Variants in ZNF98 observed in about 807,000 individuals in gnomAD.
The protein encoded by ZNF98 is zinc finger protein 98.
ZNF98 carries 8 observed loss-of-function variants against 12.8 expected under a neutral mutation model. That is an observed-to-expected ratio of 0.63 (90% CI 0.37 to 1.13). ZNF98 has a LOEUF of 1.13. ZNF98 is among the 50% of genes most tolerant of loss of function. ZNF98 has a pLI of 0.01. For missense variants in ZNF98, 379 were observed against 666.1 expected (o/e 0.57, Z 4.74); for synonymous variants, 112 against 223.5 (o/e 0.50, Z 4.45).
chr19:22,393,866 A>G (rs890383439), intron 3 of ZNF98, among the ~76,000 whole-genome samples: 4 of 152,202 alleles, frequency 2.6e-5, no homozygotes, highest in African/African-American at 4.8e-5. Flanking sequence ...GCTTCTGTAC[A>G]GCTAAAGAAA....
At chr19:22,409,260 T>C (rs1969554833) in intron 1 of ZNF98, among the ~76,000 whole-genome samples, 1 of 152,148 alleles carries the variant, frequency 6.6e-6, no homozygotes, top group African/African-American at 2.4e-5. Context: ...AAACTGGACC[T>C]CTTCCTTACA....
chr19:22,422,111 G>T, intron 1 of ZNF98, 84 bp downstream of exon 1: 1 of 1,546,786 alleles, frequency 6.5e-7, no homozygotes, highest in Non-Finnish European at 8.9e-7. Flanking sequence ...ACAGCGGGGA[G>T]GCCTGAGTCC....
chr19:22,412,561 A>G (rs571255270), intron 1 of ZNF98, among the ~76,000 whole-genome samples: 2 of 152,130 alleles, frequency 1.3e-5, no homozygotes, highest in Admixed American at 6.6e-5. Context: ...ACAAGAAATA[A>G]CCAAAATCAT....
Position 22,412,550 on chromosome 19 carries a change from G to A in ZNF98, c.31-9038C>T, listed in dbSNP as rs116789118. Among the ~76,000 whole-genome samples, 1,057 of 148,642 alleles carry A rather than the reference G, an allele frequency of 7.1e-3. 13 individuals carry two copies. Among genetic ancestry groups the A allele is most frequent in the African/African-American group, 0.025 (1,006 of 40,518 alleles). ...CCAATCAACCCCTAAGCTAGCAGAA[G>A]ACAAGAAATAACCAAAATCATTTCT... On this transcript the variant is annotated intron_variant, in intron 1 of 3. Transcript: ENST00000357774.
Position 22,392,903 on chromosome 19 carries a change from G to GT in ZNF98, c.331dup (p.Thr111AsnfsTer3), listed in dbSNP as rs1294565766. 6.2e-7 allele frequency: 1 copy of GT among 1,601,910 alleles called. No individual in the cohort carries two copies. Among genetic ancestry groups the GT allele is most frequent in the Non-Finnish European group, 8.5e-7 (1 of 1,176,204 alleles). On this transcript the variant is annotated frameshift_variant, in exon 4 of 4. Coordinates refer to ENST00000357774, the MANE Select transcript of ZNF98 (RefSeq NM_001098626.2). LOFTEE classifies it low-confidence loss of function (END_TRUNC). ...ATTTTCACGTCCACATTTTTTATATGTTCTCAGTATCACTTTTTGGAAATA... is the reference window on the plus strand; with the variant it reads ...ATTTTCACGTCCACATTTTTTATATGTTTCTCAGTATCACTTTTTGGAAATA...
At chr19:22,420,929 T>C (rs970749816) in intron 1 of ZNF98, among the ~76,000 whole-genome samples, 7 of 152,246 alleles carry the variant, frequency 4.6e-5, no homozygotes, top group African/African-American at 1.7e-4. Flanking sequence ...TGGGAAATAC[T>C]TACAAACAGA....
rs201817362 is a variant in ZNF98 at position 22,391,392 on chromosome 19, G to T, written c.*124C>A. ...TATAAAGGCTTTCCTGTGCAATAAGGTTTGAGCATTGTGTAAGTTTTGCCA... is the reference window on the plus strand; with the variant it reads ...TATAAAGGCTTTCCTGTGCAATAAGTTTTGAGCATTGTGTAAGTTTTGCCA... On this transcript the variant is annotated 3_prime_UTR_variant, in exon 4 of 4. Transcript: ENST00000357774. 7 of 1,473,614 alleles carry T rather than the reference G, an allele frequency of 4.8e-6. No homozygotes were observed. In the African/African-American group the frequency reaches 5.7e-5, roughly 12 times the overall value. The allele number at this position is 1,473,614 out of a possible 1,614,324, so 91.3% of individuals were successfully genotyped here. A position where few individuals can be genotyped will look rare whatever the true frequency, so the allele number is the denominator to read the frequency against.
In ZNF98 at chr19:22,402,770, C is replaced by T; in HGVS notation, c.253+19G>A. 1.3e-6 allele frequency: 2 copies of T among 1,558,236 alleles called. No individual in the cohort carries two copies. Among genetic ancestry groups the T allele is most frequent in the Non-Finnish European group, 1.7e-6 (2 of 1,159,966 alleles). On this transcript the variant is annotated intron_variant, in intron 3 of 3. Transcript: ENST00000357774. The stretch of plus-strand genomic sequence containing the variant: ...TCTCATCTGTGTCGTCTGTTGTATT[C>T]ACTTTCACTCTCACCTACCTGGGGG...
chr19:22,403,306 A>C, intron 2 of ZNF98, 80 bp downstream of exon 2: 1 of 1,517,458 alleles, frequency 6.6e-7, no homozygotes, highest in Non-Finnish European at 8.8e-7. Flanking sequence ...AGCATAAACT[A>C]CCAAAAAAAC....
At chr19:22,409,383 AAG>A (rs1393795180) in intron 1 of ZNF98, among the ~76,000 whole-genome samples, 1 of 152,200 alleles carries the variant, frequency 6.6e-6, no homozygotes, top group Non-Finnish European at 1.5e-5. Flanking sequence ...GGCATGGGCA[AAG>A]ACTTCATGAC....
rs11883274 is a variant in ZNF98, at chr19:22,400,854, G to A, written c.253+1935C>T. ...TGTAGTCCCAGCTACTCGGGAGGCA[G>A]AGGCAGGAGAATCACTTGAACCTGG... On this transcript the variant is annotated intron_variant, in intron 3 of 3. Coordinates refer to ENST00000357774, the MANE Select transcript of ZNF98 (RefSeq NM_001098626.2). 4.3e-3 allele frequency among the ~76,000 whole-genome samples: 626 copies of A among 146,488 alleles called. 4 individuals carry two copies. The highest frequency in any genetic ancestry group is 0.01 in the Middle Eastern group (3 of 292).
At chr19:22,396,002 A>G (rs1374207676) in intron 3 of ZNF98, among the ~76,000 whole-genome samples, 2 of 152,046 alleles carry the variant, frequency 1.3e-5, no homozygotes, top group African/African-American at 2.4e-5. Context: ...TGCCCTACAT[A>G]TAAAAGATGA....
intron 3 of ZNF98, among the ~76,000 whole-genome samples, chr19:22,393,978 C>G (rs1328667629): frequency 2.0e-5 from 3 of 150,018 alleles, no homozygotes; most frequent in Non-Finnish European, 4.4e-5. Context: ...AGAACTTAAA[C>G]AAATTTACAA....
At chr19:22,411,333 A>T (rs914520795) in intron 1 of ZNF98, among the ~76,000 whole-genome samples, 5 of 152,196 alleles carry the variant, frequency 3.3e-5, no homozygotes, top group Admixed American at 6.5e-5. Context: ...CACCGCACCC[A>T]GCCCTTGCTT....
At chr19:22,411,987 A>G (rs1208276871) in intron 1 of ZNF98, among the ~76,000 whole-genome samples, 3 of 152,224 alleles carry the variant, frequency 2.0e-5, no homozygotes, top group African/African-American at 4.8e-5. Context: ...GGAGACTACA[A>G]CACCCATGGG....
chr19:22,397,469 A>G (rs1969409916), intron 3 of ZNF98, among the ~76,000 whole-genome samples: 3 of 152,152 alleles, frequency 2.0e-5, no homozygotes, highest in Admixed American at 2.0e-4. Context: ...TCAATAGCTA[A>G]TACAACATTT....
chr19:22,408,672 GTAAA>G (rs2145117812), intron 1 of ZNF98, among the ~76,000 whole-genome samples: 1 of 151,768 alleles, frequency 6.6e-6, no homozygotes, highest in Non-Finnish European at 1.5e-5. Flanking sequence ...GAGCCAAATC[GTAAA>G]TAAACATCAC....
chr19:22,403,416 A>C lies in ZNF98; in HGVS notation c.127T>G (p.Leu43Val). 6.2e-7 allele frequency: 1 copy of C among 1,603,328 alleles called. No homozygotes were observed. The highest frequency in any genetic ancestry group is 1.1e-5 in the South Asian group (1 of 89,860). ...AAGACCAGGTTTCTGTAGTTCTCTA[A>C]CATCACATTCCTATATAAATTCTGC... The part of the protein sequence containing the change: ...AQQNLYRNVM[L>V]ENYRNLVFVG... Residue 43 changes from leucine to valine, a missense_variant, in exon 2 of 4, where the codon TTA becomes GTA. Physicochemically the swap from Leu to Val is conservative, Grantham distance 32 (BLOSUM62 1). Coordinates refer to ENST00000357774, the MANE Select transcript of ZNF98 (RefSeq NM_001098626.2).
At chr19:22,410,458 G>A (rs927620469) in intron 1 of ZNF98, among the ~76,000 whole-genome samples, 4 of 152,178 alleles carry the variant, frequency 2.6e-5, no homozygotes, top group Non-Finnish European at 5.9e-5. Flanking sequence ...CAGGAACATG[G>A]ATTAAGCTGG....
Sources: gnomAD v4.1 joint callset for allele counts (sites outside exome capture counted in the v4.1 genomes callset) on GRCh38, gnomAD v4.1.1 for gene constraint, MANE v1.5 for transcripts, NCBI Gene and HGNC (gene_info 2026-07-23, HGNC 2026-07-21) for gene names.